The following CACNB4 variants were observed in gnomAD, a reference collection of about 807,000 sequenced individuals.
CACNB4 encodes the protein voltage-dependent L-type calcium channel subunit beta-4.
Under a neutral mutation model 71.2 loss-of-function variants are expected in CACNB4, and 32 were observed. The ratio of observed to expected loss-of-function variants is 0.45; its 90% confidence interval spans 0.34 to 0.60. CACNB4 has a LOEUF of 0.60. Ranked by LOEUF, CACNB4 falls within the 20% of genes least tolerant of loss-of-function variation. CACNB4 has a pLI of 0.01. For missense variants in CACNB4, 464 were observed against 647.9 expected, an observed-to-expected ratio of 0.72 and a Z score of 3.08; for synonymous variants, 231 against 236.9, an observed-to-expected ratio of 0.97 and a Z score of 0.23.
At chr2:152,059,882 G>A (rs1204550549) in intron 2 of CACNB4, among the ~76,000 whole-genome samples, 1 of 152,196 alleles carries the variant, frequency 6.6e-6, no homozygotes. Context: ...GATCTTGGGG[G>A]TGGTTCCCCC....
At position 151,838,016 on chromosome 2, in the gene CACNB4, T is replaced by C. The variant is rs1293306520; in HGVS notation, c.*1103A>G. 1 of 152,168 alleles carries C rather than the reference T, an allele frequency of 6.6e-6. No homozygotes were observed. The highest frequency in any genetic ancestry group is 1.5e-5 in the Non-Finnish European group (1 of 68,010). 9.4% of individuals were successfully genotyped at this position (152,168 alleles called of 1,614,324 possible). A position where few individuals can be genotyped will look rare whatever the true frequency, so the allele number is the denominator to read the frequency against. On this transcript the variant is annotated 3_prime_UTR_variant, in exon 14 of 14. Transcript: ENST00000539935. The stretch of plus-strand genomic sequence containing the variant: ...TCCTTAGCATGATTTAAAGAATTTG[T>C]TGAAGGGCCAGAACATTCAGATATT...
rs1044622919 is a variant in CACNB4, at chr2:151,870,743, T to C, written c.618+99A>G. 2.5e-6 allele frequency: 3 copies of C among 1,220,298 alleles called. No homozygotes were observed. In the Admixed American group the frequency reaches 5.8e-5, roughly 24 times the overall value. 75.6% of individuals were successfully genotyped at this position (1,220,298 alleles called of 1,614,324 possible). ...TCAAAGTCCCCACCGAGGAGGCTCT[T>C]CCCTTATTTTATAGCCACTTGGGTC... On this transcript the variant is annotated intron_variant, in intron 7 of 13. Coordinates refer to ENST00000539935, the MANE Select transcript of CACNB4 (RefSeq NM_000726.5).
chr2:152,026,347 A>C (rs543191336), intron 2 of CACNB4, among the ~76,000 whole-genome samples: 1 of 151,342 alleles, frequency 6.6e-6, no homozygotes, highest in Non-Finnish European at 1.5e-5. Context: ...CATATTAATA[A>C]AAACCCTCTC....
chr2:152,043,927 C>T (rs373712566), intron 2 of CACNB4, among the ~76,000 whole-genome samples: 19 of 152,082 alleles, frequency 1.2e-4, no homozygotes, highest in African/African-American at 3.9e-4. Flanking sequence ...CCAAAAGAGC[C>T]GGGCTTGATG....
intron 2 of CACNB4, among the ~76,000 whole-genome samples, chr2:151,951,819 G>A (rs1316195107): frequency 6.6e-6 from 1 of 152,180 alleles, no homozygotes. Context: ...TCCTTCCTCT[G>A]GTCTTCAAGA....
At chr2:152,032,464 G>A (rs749036411) in intron 2 of CACNB4, among the ~76,000 whole-genome samples, 4 of 152,006 alleles carry the variant, frequency 2.6e-5, no homozygotes, top group Middle Eastern at 3.4e-3. Flanking sequence ...TAACTCAGTC[G>A]GTCATGATTT....
chr2:151,889,479 A>G (rs2099850213), intron 2 of CACNB4, among the ~76,000 whole-genome samples: 1 of 151,986 alleles, frequency 6.6e-6, no homozygotes, highest in Admixed American at 6.6e-5. Flanking sequence ...AAAAAAAAAA[A>G]AAAAAAAGTT....
chr2:152,008,264 C>A (rs1167571822), intron 2 of CACNB4, among the ~76,000 whole-genome samples: 1 of 151,790 alleles, frequency 6.6e-6, no homozygotes, highest in Non-Finnish European at 1.5e-5. Context: ...TTGCAATTTA[C>A]TTTTACTCCC....
chr2:152,091,976 G>A (rs1206573223), intron 2 of CACNB4, among the ~76,000 whole-genome samples: 1 of 152,224 alleles, frequency 6.6e-6, no homozygotes, highest in Non-Finnish European at 1.5e-5. Context: ...TCCAGGATCT[G>A]AGAGGAATAA....
chr2:152,026,378 C>T (rs1327835903), intron 2 of CACNB4, among the ~76,000 whole-genome samples: 3 of 116,766 alleles, frequency 2.6e-5, no homozygotes, highest in Non-Finnish European at 6.8e-5. Context: ...TTCTCTAGTC[C>T]CTTTTTTTTT....
At chr2:151,903,516 T>TA (rs529072860) in intron 2 of CACNB4, among the ~76,000 whole-genome samples, 20 of 150,786 alleles carry the variant, frequency 1.3e-4, no homozygotes, top group South Asian at 2.1e-4. Context: ...GAGATTGTCT[T>TA]AAAAAAAAAA....
At chr2:151,941,040 G>A (rs1382833717) in intron 2 of CACNB4, among the ~76,000 whole-genome samples, 2 of 152,062 alleles carry the variant, frequency 1.3e-5, no homozygotes, top group Admixed American at 1.3e-4. Flanking sequence ...TCAGAATAAG[G>A]CTTCCTAGAG....
At chr2:151,843,979 A>G (rs1413994417) in intron 12 of CACNB4, among the ~76,000 whole-genome samples, 1 of 152,238 alleles carries the variant, frequency 6.6e-6, no homozygotes, top group African/African-American at 2.4e-5. Context: ...TAGGAAAAGA[A>G]TAAGATGACT....
At chr2:151,936,934 TG>T (rs2099863071) in intron 2 of CACNB4, among the ~76,000 whole-genome samples, 1 of 152,244 alleles carries the variant, frequency 6.6e-6, no homozygotes, top group Non-Finnish European at 1.5e-5. Context: ...CATAAATCAT[TG>T]AAGATGCTTT....
chr2:151,941,618 T>C (rs1453827910), intron 2 of CACNB4, among the ~76,000 whole-genome samples: 2 of 151,944 alleles, frequency 1.3e-5, no homozygotes, highest in Non-Finnish European at 2.9e-5. Context: ...AAAAAAAGAA[T>C]TGTAAGACTA....
At chr2:152,014,630 G>T (rs776812284) in intron 2 of CACNB4, among the ~76,000 whole-genome samples, 2 of 151,300 alleles carry the variant, frequency 1.3e-5, no homozygotes, top group Non-Finnish European at 2.9e-5. Context: ...ACTCAGGAGG[G>T]TGAGGCAGGA....
chr2:152,049,850 G>C (rs1277870782), intron 2 of CACNB4, among the ~76,000 whole-genome samples: 1 of 152,204 alleles, frequency 6.6e-6, no homozygotes, highest in African/African-American at 2.4e-5. Flanking sequence ...ATTCCTTTTA[G>C]AGCGTTCAAG....
chr2:151,844,575 C>A (rs930044009), intron 12 of CACNB4, among the ~76,000 whole-genome samples: 6 of 152,192 alleles, frequency 3.9e-5, no homozygotes, highest in Non-Finnish European at 7.4e-5. Flanking sequence ...TTGTCTCTTG[C>A]AATCAAAAGC....
Position 151,883,153 on chromosome 2 carries a change from C to A in CACNB4, c.267+98G>T, listed in dbSNP as rs114190516. On this transcript the variant is annotated intron_variant, in intron 3 of 13. Transcript: ENST00000539935. The stretch of plus-strand genomic sequence containing the variant: ...ATCTGGAGCCTTGTTAGAATAATCA[C>A]AAAATGATTATTCCAGAAATGTGAG... 1,108 of 1,281,366 alleles carry A rather than the reference C, an allele frequency of 8.6e-4. 8 individuals carry two copies. In the African/African-American group the frequency reaches 0.014, roughly 17 times the overall value. 79.4% of individuals were successfully genotyped at this position (1,281,366 alleles called of 1,614,324 possible).
Sources: gnomAD v4.1 joint callset for allele counts (sites outside exome capture counted in the v4.1 genomes callset) on GRCh38, gnomAD v4.1.1 for gene constraint, MANE v1.5 for transcripts, NCBI Gene and HGNC (gene_info 2026-07-23, HGNC 2026-07-21) for gene names.